The following ZC3H13 variants were observed in gnomAD, a reference collection of about 807,000 sequenced individuals.
ZC3H13 encodes the protein zinc finger CCCH domain-containing protein 13.
ZC3H13 carries 64 observed loss-of-function variants against 204.1 expected under a neutral mutation model. The ratio of observed to expected loss-of-function variants is 0.31; its 90% CI spans 0.26 to 0.39. ZC3H13 has a LOEUF of 0.39. ZC3H13 is among the 10% of genes least tolerant of loss of function. ZC3H13 has a pLI of 1.00. For missense variants in ZC3H13, 1,833 were observed against 2,082.7 expected, an observed-to-expected ratio of 0.88 and a Z score of 2.33; for synonymous variants, 667 against 693.7, an observed-to-expected ratio of 0.96 and a Z score of 0.60.
chr13:46,004,641 ATAG>A (rs1265569708), intron 7 of ZC3H13, among the ~76,000 whole-genome samples: 9 of 152,214 alleles, frequency 5.9e-5, no homozygotes, highest in African/African-American at 2.2e-4. Context: ...AAACAATTTC[ATAG>A]TTTTTCAGGT....
rs771776202 is a variant in ZC3H13, at chr13:45,969,943, A to G, written c.2601T>C (p.Val867=). 12 of 1,612,074 alleles carry G rather than the reference A, an allele frequency of 7.4e-6. No individual in the cohort carries two copies. The highest frequency in any genetic ancestry group is 3.3e-4 in the Middle Eastern group (2 of 6,068). ...KNEKHRLLSQ[V]VRPQESRSLS... ...GAGAACGAGATTCTTGAGGTCGTAC[A>G]ACTTGGCTCAAGAGTCTGTGTTTTT... The change falls in exon 14 of 19, where the codon GTT becomes GTC. Residue 867 remains valine (V), a synonymous_variant. Coordinates refer to ENST00000679008, the MANE Select transcript of ZC3H13 (RefSeq NM_001330564.2).
chr13:45,959,707 C>T (rs74072320), intron 17 of ZC3H13, 61 bp from the exon 18 acceptor site: 2 of 1,415,428 alleles, frequency 1.4e-6, no homozygotes, highest in Non-Finnish European at 1.9e-6. Context: ...TTACCAACTA[C>T]TTAACTGAAT....
At chr13:45,971,714 A>G (rs1261937545) in intron 12 of ZC3H13, among the ~76,000 whole-genome samples, 9 of 152,170 alleles carry the variant, frequency 5.9e-5, no homozygotes, top group Non-Finnish European at 7.4e-5. Flanking sequence ...TAACAAAGAC[A>G]ACCCATAGAA....
chr13:45,969,969 C>T lies in ZC3H13; in HGVS notation c.2575G>A (p.Glu859Lys). Residue 859 changes from glutamate (E) to lysine (K), a missense_variant and splice_region_variant, in exon 14 of 19, where the codon GAA (glutamate) becomes AAA (lysine). Physicochemically the swap from Glu to Lys is moderately conservative, Grantham distance 56. Around this residue, in one of 5 missense-constraint regions of ZC3H13, gnomAD observed 1,574 missense variants for 1,757.2 expected, o/e 0.90. Coordinates refer to ENST00000679008, the MANE Select transcript of ZC3H13 (RefSeq NM_001330564.2). Reference protein sequence around the residue: ...DAYNSGDDKNEKHRLLSQVVR... With the variant: ...DAYNSGDDKNKKHRLLSQVVR... The stretch of plus-strand genomic sequence containing the variant: ...ACTTGGCTCAAGAGTCTGTGTTTTT[C>T]ATCTATATAAAAGATAAAAGCAATC... The T allele has an allele frequency of 1.2e-6, 2 of 1,603,550 alleles. No individual in the cohort carries two copies. Among genetic ancestry groups the T allele is most frequent in the Non-Finnish European group, 8.5e-7 (1 of 1,177,116 alleles).
intron 12 of ZC3H13, among the ~76,000 whole-genome samples, chr13:45,972,220 T>C (rs181549283): frequency 6.6e-6 from 1 of 151,608 alleles, no homozygotes; most frequent in Admixed American, 6.6e-5. Flanking sequence ...GCAGCAAAAT[T>C]CACAACTGTA....
chr13:46,012,996 C>A (rs2041667728), intron 5 of ZC3H13, among the ~76,000 whole-genome samples: 1 of 152,132 alleles, frequency 6.6e-6, no homozygotes, highest in Admixed American at 6.5e-5. Context: ...TAAGGCACTG[C>A]CAATCTAAAA....
At chr13:45,972,443 G>C (rs1281046085) in intron 12 of ZC3H13, among the ~76,000 whole-genome samples, 2 of 152,148 alleles carry the variant, frequency 1.3e-5, no homozygotes, top group Non-Finnish European at 2.9e-5. Context: ...AGACTCAGAA[G>C]GGGGAGGGTG....
chr13:46,014,682 C>T (rs1375025163), intron 5 of ZC3H13, among the ~76,000 whole-genome samples: 1 of 152,118 alleles, frequency 6.6e-6, no homozygotes, highest in East Asian at 1.9e-4. Flanking sequence ...ATTCTCATTG[C>T]TAAAGTCTTA....
chr13:45,958,662 T>C (rs1359379402), intron 18 of ZC3H13, among the ~76,000 whole-genome samples: 8 of 148,840 alleles, frequency 5.4e-5, no homozygotes, highest in African/African-American at 2.0e-4. Flanking sequence ...TTTTTTTTTT[T>C]TTTTTTTTTT....
intron 4 of ZC3H13, among the ~76,000 whole-genome samples, chr13:46,041,229 G>C (rs1189309338): frequency 1.3e-5 from 2 of 152,074 alleles, no homozygotes; most frequent in Non-Finnish European, 2.9e-5. Flanking sequence ...TCAATACAAT[G>C]TAATATTATC....
intron 4 of ZC3H13, among the ~76,000 whole-genome samples, chr13:46,029,415 G>A (rs962410233): frequency 4.0e-5 from 6 of 150,930 alleles, no homozygotes; most frequent in African/African-American, 1.2e-4. Context: ...AGACAGAAGA[G>A]ATGGACTACT....
chr13:46,007,456 T>A (rs1442774683), intron 7 of ZC3H13, among the ~76,000 whole-genome samples: 1 of 152,234 alleles, frequency 6.6e-6, no homozygotes, highest in East Asian at 1.9e-4. Context: ...TCTCCATATA[T>A]AGGACAGCCA....
At chr13:46,049,703 T>C (rs1181867645) in intron 1 of ZC3H13, among the ~76,000 whole-genome samples, 3 of 152,070 alleles carry the variant, frequency 2.0e-5, no homozygotes, top group Non-Finnish European at 4.4e-5. Context: ...TAAAGGAAAA[T>C]GAACACCACA....
chr13:45,978,491 T>A (rs1326695969), intron 11 of ZC3H13, among the ~76,000 whole-genome samples: 2 of 152,068 alleles, frequency 1.3e-5, no homozygotes, highest in Non-Finnish European at 2.9e-5. Flanking sequence ...AATATTGTAA[T>A]CTTACTACTC....
intron 18 of ZC3H13, among the ~76,000 whole-genome samples, chr13:45,958,662 T>G (rs1359379402): frequency 6.7e-6 from 1 of 148,840 alleles, no homozygotes; most frequent in Non-Finnish European, 1.5e-5. Context: ...TTTTTTTTTT[T>G]TTTTTTTTTT....
intron 7 of ZC3H13, among the ~76,000 whole-genome samples, chr13:46,006,269 G>A (rs2041143343): frequency 6.6e-6 from 1 of 151,830 alleles, no homozygotes; most frequent in South Asian, 2.1e-4. Context: ...TCTCCCTGCT[G>A]CCCCGCCACC....
In ZC3H13 at chr13:45,973,176, T is replaced by A. The variant is rs192670076; in HGVS notation, c.2468+2107A>T. On this transcript the variant is annotated intron_variant, in intron 12 of 18. Transcript: ENST00000679008. ...AGATAACTGACAGACTGGAATAAAG[T>A]GAAAATTTAAAACATGAGAAAAAGT... Among the ~76,000 whole-genome samples, 3 of 152,222 alleles carry A rather than the reference T, an allele frequency of 2.0e-5. No homozygotes were observed. In the South Asian group the frequency reaches 6.2e-4, roughly 32 times the overall value.
At chr13:46,005,787 TTC>T (rs1478572245) in intron 7 of ZC3H13, among the ~76,000 whole-genome samples, 5 of 152,120 alleles carry the variant, frequency 3.3e-5, no homozygotes, top group Non-Finnish European at 5.9e-5. Flanking sequence ...TTGAACTCTT[TTC>T]TCTTTTAAAA....
At chr13:46,021,544 T>C (rs983872234) in intron 4 of ZC3H13, among the ~76,000 whole-genome samples, 6 of 151,940 alleles carry the variant, frequency 3.9e-5, no homozygotes, top group South Asian at 2.1e-4. Context: ...TTAATTTCTC[T>C]TTGTAGTTTT....
Sources: gnomAD v4.1 joint callset for allele counts (sites outside exome capture counted in the v4.1 genomes callset) on GRCh38, gnomAD v4.1.1 for gene constraint, gnomAD v4.1.1 regional missense constraint, MANE v1.5 for transcripts, NCBI Gene and HGNC (gene_info 2026-07-23, HGNC 2026-07-21) for gene names.